GLRA3: variants seen among roughly 807,000 people sequenced by gnomAD.
The protein encoded by GLRA3 is glycine receptor subunit alpha-3.
In GLRA3, 44 loss-of-function variants were observed where a neutral mutation model predicts 60.4. The ratio of observed to expected loss-of-function variants is 0.73; its 90% confidence interval spans 0.57 to 0.94. The LOEUF (loss-of-function observed/expected upper bound fraction) is 0.94. Among genes scored for constraint, GLRA3 ranks in the 40% least tolerant of loss-of-function variants. The probability of loss-of-function intolerance (pLI) is 0.00; values close to 1 mark genes in which losing one functional copy is unlikely to be tolerated. For missense variants in GLRA3, 508 were observed against 564.6 expected, an observed-to-expected ratio of 0.90 and a Z score of 1.02; for synonymous variants, 223 against 192.9, an observed-to-expected ratio of 1.16 and a Z score of -1.29.
At chr4:174,707,926 A>G (rs1735573314) in intron 5 of GLRA3, among the ~76,000 whole-genome samples, 2 of 152,182 alleles carry the variant, frequency 1.3e-5, no homozygotes, top group African/African-American at 4.8e-5. Flanking sequence ...AGATGTGGAC[A>G]GACTAGAAGA....
At chr4:174,652,894 T>C (rs1343519640) in intron 9 of GLRA3, among the ~76,000 whole-genome samples, 1 of 152,118 alleles carries the variant, frequency 6.6e-6, no homozygotes, top group African/African-American at 2.4e-5. Context: ...GATGAAGGCA[T>C]GAATATTGCT....
chr4:174,798,144 C>T (rs529498429), intron 1 of GLRA3, among the ~76,000 whole-genome samples: 9 of 152,210 alleles, frequency 5.9e-5, no homozygotes, highest in Middle Eastern at 6.8e-3. Context: ...CCACAATGTT[C>T]CATGTATCTC....
In GLRA3 at chr4:174,735,519, CAT is replaced by C. The variant is rs571850647; in HGVS notation, c.268-6823_268-6822del. Among the ~76,000 whole-genome samples the C allele has an allele frequency of 4.8e-3, 732 of 152,214 alleles. 2 individuals carry two copies. Among genetic ancestry groups the C allele is most frequent in the African/African-American group, 0.017 (704 of 41,546 alleles). ...TACACAATTTACATGTTAAAATAAA[CAT>C]AATCGTTTACACATAAGACATTAGT... On this transcript the variant is annotated intron_variant, in intron 3 of 9. Coordinates refer to ENST00000274093, the MANE Select transcript of GLRA3 (RefSeq NM_006529.4).
Position 174,822,736 on chromosome 4 carries a change from C to T in GLRA3, c.71+6005G>A, listed in dbSNP as rs1258042390. On this transcript the variant is annotated intron_variant, in intron 1 of 9. Coordinates refer to ENST00000274093, the MANE Select transcript of GLRA3 (RefSeq NM_006529.4). ...GTTATGGCAAATGTTTGTATGTACT[C>T]ATGGAGAATTCTTCATCGCTTACAT... is the stretch of plus-strand genomic sequence containing the variant. 4.6e-5 allele frequency among the ~76,000 whole-genome samples: 7 copies of T among 152,326 alleles called. No homozygotes were observed. The East Asian group carries it at 1.4e-3, about 29-fold the overall frequency.
intron 7 of GLRA3, among the ~76,000 whole-genome samples, chr4:174,672,596 GA>G (rs1397617293): frequency 6.6e-6 from 1 of 151,968 alleles, no homozygotes; most frequent in African/African-American, 2.4e-5. Context: ...TGCAGCCCCA[GA>G]ATGAGGACAC....
intron 1 of GLRA3, among the ~76,000 whole-genome samples, chr4:174,790,520 T>C (rs1197324766): frequency 2.9e-5 from 2 of 69,606 alleles, no homozygotes; most frequent in African/African-American, 1.1e-4. Flanking sequence ...AAAGCATCGT[T>C]GGATTTTGTA....
chr4:174,642,107 G>T lies in GLRA3; in HGVS notation c.*1679C>A. 2 of 892,246 alleles carry T rather than the reference G, an allele frequency of 2.2e-6. No homozygotes were observed. Among genetic ancestry groups the T allele is most frequent in the Non-Finnish European group, 2.7e-6 (2 of 745,152 alleles). The allele number at this position is 892,246 out of a possible 1,614,324, so 55.3% of individuals were successfully genotyped here. On this transcript the variant is annotated 3_prime_UTR_variant, in exon 10 of 10. Coordinates refer to ENST00000274093, the MANE Select transcript of GLRA3 (RefSeq NM_006529.4). Reference sequence around the variant, plus strand: ...GTGTTGTTTTAAGTTACTTATAAAGGAGGGGAACTTGGTCTTTTACTAGCA... The same window carrying T: ...GTGTTGTTTTAAGTTACTTATAAAGTAGGGGAACTTGGTCTTTTACTAGCA...
chr4:174,719,144 T>C (rs1736044864), intron 4 of GLRA3, among the ~76,000 whole-genome samples: 1 of 151,666 alleles, frequency 6.6e-6, no homozygotes, highest in Non-Finnish European at 1.5e-5. Context: ...TTTGTATTTT[T>C]AGTAGAGACG....
chr4:174,817,374 G>T (rs1740549444), intron 1 of GLRA3, among the ~76,000 whole-genome samples: 1 of 152,170 alleles, frequency 6.6e-6, no homozygotes, highest in Non-Finnish European at 1.5e-5. Flanking sequence ...CTGTTCACTT[G>T]CATAGTTTTT....
At chr4:174,657,510 A>T (rs775267359) in intron 8 of GLRA3, among the ~76,000 whole-genome samples, 1 of 152,180 alleles carries the variant, frequency 6.6e-6, no homozygotes, top group African/African-American at 2.4e-5. Flanking sequence ...CTAATTAATG[A>T]TACTAGAAGG....
At chr4:174,711,060 C>G (rs980030236) in intron 5 of GLRA3, among the ~76,000 whole-genome samples, 5 of 151,742 alleles carry the variant, frequency 3.3e-5, no homozygotes, top group Non-Finnish European at 7.4e-5. Context: ...GTTTTTCATT[C>G]CAGTTATACA....
At chr4:174,794,697 CTT>C (rs1360789827) in intron 1 of GLRA3, among the ~76,000 whole-genome samples, 7 of 152,078 alleles carry the variant, frequency 4.6e-5, no homozygotes, top group Non-Finnish European at 8.8e-5. Flanking sequence ...TATTTTAAGT[CTT>C]ATCTCATTTC....
chr4:174,686,642 T>C (rs763028296), intron 5 of GLRA3, among the ~76,000 whole-genome samples: 6 of 152,220 alleles, frequency 3.9e-5, no homozygotes, highest in Non-Finnish European at 8.8e-5. Context: ...AGGCAGAAAC[T>C]GCTGTGTGCA....
chr4:174,706,819 C>T (rs1391635365), intron 5 of GLRA3, among the ~76,000 whole-genome samples: 1 of 152,072 alleles, frequency 6.6e-6, no homozygotes, highest in Non-Finnish European at 1.5e-5. Flanking sequence ...AGAATATTTT[C>T]AAGTTTATTA....
chr4:174,681,496 AAC>A (rs1734341105), intron 6 of GLRA3, among the ~76,000 whole-genome samples: 2 of 152,192 alleles, frequency 1.3e-5, no homozygotes, highest in African/African-American at 4.8e-5. Flanking sequence ...TGGACATGGA[AAC>A]ACAGACACAC....
At chr4:174,773,967 C>G (rs1162532797) in intron 2 of GLRA3, among the ~76,000 whole-genome samples, 1 of 11,612 alleles carries the variant, frequency 8.6e-5, no homozygotes, top group African/African-American at 2.3e-4. Flanking sequence ...GGAAAATGTA[C>G]ACCCACAATA....
At chr4:174,692,145 C>T (rs1458430421) in intron 5 of GLRA3, among the ~76,000 whole-genome samples, 1 of 151,778 alleles carries the variant, frequency 6.6e-6, no homozygotes, top group African/African-American at 2.4e-5. Flanking sequence ...GTGAGGAGCC[C>T]CTCCGCCCAG....
At chr4:174,815,207 C>T (rs1740438033) in intron 1 of GLRA3, among the ~76,000 whole-genome samples, 1 of 152,216 alleles carries the variant, frequency 6.6e-6, no homozygotes, top group Non-Finnish European at 1.5e-5. Flanking sequence ...TGTCTCACAT[C>T]CATGTCATGC....
chr4:174,745,370 A>G (rs925637903), intron 3 of GLRA3, among the ~76,000 whole-genome samples: 2 of 152,156 alleles, frequency 1.3e-5, no homozygotes, highest in Admixed American at 1.3e-4. Context: ...TCAATGGCAA[A>G]GGAGAATTCT....
Sources: gnomAD v4.1 joint callset for allele counts (sites outside exome capture counted in the v4.1 genomes callset) on GRCh38, gnomAD v4.1.1 for gene constraint, MANE v1.5 for transcripts, NCBI Gene and HGNC (gene_info 2026-07-23, HGNC 2026-07-21) for gene names.